RAB3GAP1: variants seen among roughly 807,000 people sequenced by gnomAD.
RAB3GAP1 encodes RAB3 GTPase activating protein catalytic subunit 1.
RAB3GAP1 carries 86 observed loss-of-function variants against 130.7 expected under a neutral mutation model. The ratio of observed to expected loss-of-function variants is 0.66; its 90% confidence interval spans 0.55 to 0.79. The LOEUF (loss-of-function observed/expected upper bound fraction) is 0.79, where lower values mean the gene tolerates loss of function less well. Among genes scored for constraint, RAB3GAP1 ranks in the 30% least tolerant of loss-of-function variants. RAB3GAP1 has a pLI of 0.00. For missense variants in RAB3GAP1, 1,029 were observed against 1,169.4 expected (o/e 0.88, Z 1.75); for synonymous variants, 367 against 401.7 (o/e 0.91, Z 1.03).
chr2:135,144,317 C>T lies in RAB3GAP1; in HGVS notation c.1924-6052C>T, dbSNP rs143913972. On this transcript the variant is annotated intron_variant, in intron 17 of 23. Coordinates refer to ENST00000264158, the MANE Select transcript of RAB3GAP1 (RefSeq NM_012233.3). Reference sequence around the variant, plus strand: ...AGGGGCTGCGAGGGTGGTCTCCCACCTGAAGTCGGGTGGTTTCTCTCTAAG... The same window carrying T: ...AGGGGCTGCGAGGGTGGTCTCCCACTTGAAGTCGGGTGGTTTCTCTCTAAG... Among the ~76,000 whole-genome samples the T allele has an allele frequency of 1.6e-3, 247 of 151,170 alleles. 1 individual carries two copies. The highest frequency in any genetic ancestry group is 5.7e-3 in the African/African-American group (231 of 40,530).
chr2:135,109,068 A>G (rs1690715076), intron 5 of RAB3GAP1, among the ~76,000 whole-genome samples: 1 of 152,018 alleles, frequency 6.6e-6, no homozygotes, highest in South Asian at 2.1e-4. Context: ...CACTGTATTG[A>G]TTTCTGTAGC....
chr2:135,091,915 C>T (rs1690154560), intron 4 of RAB3GAP1, among the ~76,000 whole-genome samples: 1 of 152,174 alleles, frequency 6.6e-6, no homozygotes, highest in African/African-American at 2.4e-5. Flanking sequence ...CTTCTTCATT[C>T]ACTAAGCAAA....
At chr2:135,082,483 C>G (rs1264634897) in intron 3 of RAB3GAP1, among the ~76,000 whole-genome samples, 12 of 151,316 alleles carry the variant, frequency 7.9e-5, no homozygotes, top group Admixed American at 6.6e-4. Context: ...CTCTGTCGCC[C>G]AGGCTGGAGT....
intron 11 of RAB3GAP1, among the ~76,000 whole-genome samples, chr2:135,129,179 G>A (rs1228203916): frequency 7.3e-5 from 11 of 150,550 alleles, no homozygotes; most frequent in African/African-American, 2.7e-4. Context: ...TGGGCCGGGC[G>A]CGGTGACTCA....
At chr2:135,135,991 T>C in intron 17 of RAB3GAP1, 59 bp downstream of exon 17, 8 of 1,579,652 alleles carry the variant, frequency 5.1e-6, no homozygotes, top group Non-Finnish European at 7.0e-6. Context: ...AACTTCATCC[T>C]AGTAGAAGAT....
intron 7 of RAB3GAP1, among the ~76,000 whole-genome samples, chr2:135,117,663 G>GCTTCTGCTTCTTCTGCTT (rs1427432097): frequency 0.063 from 2,496 of 39,574 alleles, 55 homozygotes; most frequent in African/African-American, 0.12. Flanking sequence ...TGCTTCTTCT[G>GCTTCTGCTTCTTCTGCTT]CTTCTGCTTC....
intron 7 of RAB3GAP1, among the ~76,000 whole-genome samples, chr2:135,116,803 C>T (rs948923400): frequency 6.6e-5 from 10 of 152,020 alleles, no homozygotes; most frequent in African/African-American, 2.2e-4. Context: ...TAATTATGAA[C>T]TCCGTGAAAG....
rs1472280500 is a variant in RAB3GAP1 at position 135,170,654 on chromosome 2, T to C, written c.*1873T>C. 1.3e-5 allele frequency: 2 copies of C among 152,298 alleles called. No individual in the cohort carries two copies. Among genetic ancestry groups the C allele is most frequent in the African/African-American group, 4.8e-5 (2 of 41,560 alleles). 9.4% of individuals were successfully genotyped at this position (152,298 alleles called of 1,614,324 possible). A position where few individuals can be genotyped will look rare whatever the true frequency, so the allele number is the denominator to read the frequency against. ...TTATCCTACAAATAATTGAATGTAA[T>C]CCTACATTCATGTATTCATTGGCAG... is the stretch of plus-strand genomic sequence containing the variant. On this transcript the variant is annotated 3_prime_UTR_variant, in exon 24 of 24. Coordinates refer to ENST00000264158, the MANE Select transcript of RAB3GAP1 (RefSeq NM_012233.3).
At chr2:135,054,431 G>A (rs1181590675) in intron 2 of RAB3GAP1, among the ~76,000 whole-genome samples, 1 of 152,190 alleles carries the variant, frequency 6.6e-6, no homozygotes, top group Non-Finnish European at 1.5e-5. Context: ...ATGGTGATTT[G>A]TGGACTGGAA....
intron 7 of RAB3GAP1, among the ~76,000 whole-genome samples, chr2:135,119,689 G>A (rs1025000573): frequency 6.6e-6 from 1 of 152,068 alleles, no homozygotes; most frequent in Non-Finnish European, 1.5e-5. Flanking sequence ...AAAGCTACTA[G>A]TGACATTTAT....
intron 19 of RAB3GAP1, among the ~76,000 whole-genome samples, chr2:135,155,005 A>G (rs762552332): frequency 2.0e-5 from 3 of 152,194 alleles, no homozygotes; most frequent in African/African-American, 4.8e-5. Context: ...AGAAAATGCA[A>G]ATCAGCTCAT....
Position 135,135,815 on chromosome 2 carries a change from T to C in RAB3GAP1, c.1806T>C (p.Ser602=). Residue 602 remains serine (S), a synonymous_variant, in exon 17 of 24, where the codon AGT becomes AGC. Transcript: ENST00000264158. ...AACTTAAAGGAAATGGACAAGAGAG[T>C]GGCAAGAAAGGAGGACCTAAGGAGA... ...TEELKGNGQE[S]GKKGGPKEMA... 2 of 1,613,852 alleles carry C rather than the reference T, an allele frequency of 1.2e-6. No homozygotes were observed. The highest frequency in any genetic ancestry group is 2.7e-5 in the African/African-American group (2 of 74,924).
Position 135,120,888 on chromosome 2 carries a change from C to T in RAB3GAP1, c.718C>T (p.Gln240Ter). The change falls in exon 8 of 24, where the codon CAG (glutamine) becomes TAG (stop). Residue 240 changes from glutamine to a stop codon, truncating the protein, a stop_gained. Transcript: ENST00000264158. LOFTEE classifies it high-confidence loss of function. Reference sequence around the variant, plus strand: ...ATTTACCTATGTACTTCAAGATTGGCAGCAGTATTTTTGGCCTCAGCAACC... The same window carrying T: ...ATTTACCTATGTACTTCAAGATTGGTAGCAGTATTTTTGGCCTCAGCAACC... ...IRFTYVLQDWQQYFWPQQPPD... is the reference protein window; with the variant it reads ...IRFTYVLQDW 1 of 1,612,874 alleles carries T rather than the reference C, an allele frequency of 6.2e-7. No individual in the cohort carries two copies. Among genetic ancestry groups the T allele is most frequent in the Non-Finnish European group, 8.5e-7 (1 of 1,178,932 alleles).
intron 17 of RAB3GAP1, among the ~76,000 whole-genome samples, chr2:135,139,565 A>G (rs1027924345): frequency 8.6e-5 from 13 of 152,014 alleles, no homozygotes; most frequent in Non-Finnish European, 1.8e-4. Flanking sequence ...AAAAAAATAA[A>G]AAGTGCACAA....
At chr2:135,147,306 G>GCCTGGATGACAGATGAGA (rs1692027886) in intron 17 of RAB3GAP1, among the ~76,000 whole-genome samples, 12 of 149,860 alleles carry the variant, frequency 8.0e-5, no homozygotes, top group Admixed American at 3.3e-4. Context: ...AGATCGCACC[G>GCCTGGATGACAGATGAGA]CTGCACTTCA....
At chr2:135,105,222 TC>T (rs1470694174) in intron 5 of RAB3GAP1, among the ~76,000 whole-genome samples, 1 of 16,996 alleles carries the variant, frequency 5.9e-5, no homozygotes, top group Admixed American at 7.1e-4. Flanking sequence ...CCCTCCCCCT[TC>T]CCCCTCCCGC....
chr2:135,100,511 C>A (rs1489543312), intron 5 of RAB3GAP1, among the ~76,000 whole-genome samples: 1 of 152,106 alleles, frequency 6.6e-6, no homozygotes, highest in Non-Finnish European at 1.5e-5. Flanking sequence ...CATATTTGAT[C>A]AGGTATTTCT....
In RAB3GAP1 at chr2:135,052,460, T is replaced by A; in HGVS notation, c.49T>A (p.Phe17Ile). 1 of 1,614,040 alleles carries A rather than the reference T, an allele frequency of 6.2e-7. No individual in the cohort carries two copies. Among genetic ancestry groups the A allele is most frequent in the Non-Finnish European group, 8.5e-7 (1 of 1,180,046 alleles). Residue 17 changes from phenylalanine to isoleucine, a missense_variant, in exon 2 of 24, where the codon TTC becomes ATC. Around this residue, in one of 3 missense-constraint regions of RAB3GAP1, gnomAD observed 510 missense variants for 532.1 expected, o/e 0.96. Transcript: ENST00000264158. ...ATCCGAGGTATTTGAGATCACGGAC[T>A]TCACCACTGCCTCGGAATGGGAAAG... ...PESEVFEITD[F>I]TTASEWERFI...
chr2:135,061,659 T>C (rs909264330), intron 3 of RAB3GAP1, among the ~76,000 whole-genome samples: 6 of 152,184 alleles, frequency 3.9e-5, no homozygotes, highest in African/African-American at 1.4e-4. Context: ...TATTGAGTTG[T>C]AGGAGTTCTT....
Sources: allele counts gnomAD v4.1 joint callset (sites outside exome capture counted in the v4.1 genomes callset), GRCh38; gene constraint gnomAD v4.1.1; regional missense constraint gnomAD v4.1.1; transcripts MANE v1.5; gene names NCBI Gene and HGNC (gene_info 2026-07-23, HGNC 2026-07-21).